The following COL25A1 variants were observed in gnomAD, a reference collection of about 807,000 sequenced individuals.
COL25A1 encodes collagen type XXV alpha 1 chain, also known as collagen alpha-1(XXV) chain.
COL25A1 carries 103 observed loss-of-function variants against 128.4 expected under a neutral mutation model. That is an observed-to-expected ratio of 0.80 (90% CI 0.68 to 0.94). The LOEUF (loss-of-function observed/expected upper bound fraction) is 0.94, where lower values mean the gene tolerates loss of function less well. Ranked by LOEUF, COL25A1 falls within the 40% of genes least tolerant of loss-of-function variation. The probability of loss-of-function intolerance (pLI) is 0.00; values close to 1 mark genes in which losing one functional copy is unlikely to be tolerated. For missense variants in COL25A1, 745 were observed against 840.0 expected, an observed-to-expected ratio of 0.89 and a Z score of 1.40; for synonymous variants, 279 against 277.2, an observed-to-expected ratio of 1.01 and a Z score of -0.06.
At chr4:108,822,112 C>T (rs553023140) in intron 35 of COL25A1, among the ~76,000 whole-genome samples, 176 of 133,488 alleles carry the variant, frequency 1.3e-3, no homozygotes, top group African/African-American at 4.8e-3. Flanking sequence ...GGCGTGATCT[C>T]GGCTCACTGC....
intron 6 of COL25A1, among the ~76,000 whole-genome samples, chr4:108,997,774 C>T (rs1354992449): frequency 6.6e-6 from 1 of 152,152 alleles, no homozygotes; most frequent in African/African-American, 2.4e-5. Flanking sequence ...AGCTTATCCA[C>T]CATGATCAAG....
rs748581476 is a variant in COL25A1 at position 109,010,378 on chromosome 4, G to A, written c.421-3C>T. The A allele has an allele frequency of 1.9e-6, 3 of 1,570,132 alleles. No homozygotes were observed. The highest frequency in any genetic ancestry group is 2.4e-5 in the South Asian group (2 of 83,300). On this transcript the variant is annotated splice_region_variant and splice_polypyrimidine_tract_variant and intron_variant, in intron 5 of 37. Coordinates refer to ENST00000399132, the MANE Select transcript of COL25A1 (RefSeq NM_198721.4). Reference sequence around the variant, plus strand: ...CTTACCTGAGGACCAGGCTGTCCCTGAAATTAAAAAGAAAAAGAAAAACAA... The same window carrying A: ...CTTACCTGAGGACCAGGCTGTCCCTAAAATTAAAAAGAAAAAGAAAAACAA...
intron 13 of COL25A1, among the ~76,000 whole-genome samples, chr4:108,917,627 TC>T (rs1745024265): frequency 6.6e-6 from 1 of 152,206 alleles, no homozygotes; most frequent in Non-Finnish European, 1.5e-5. Flanking sequence ...GTTGTTTCTT[TC>T]ACTTTACTTT....
At chr4:108,976,979 C>T (rs1430089389) in intron 6 of COL25A1, among the ~76,000 whole-genome samples, 1 of 152,114 alleles carries the variant, frequency 6.6e-6, no homozygotes, top group African/African-American at 2.4e-5. Flanking sequence ...AAATGAAACT[C>T]AAAGACTATC....
At position 108,827,202 on chromosome 4, in the gene COL25A1, T is replaced by C. The variant is rs1396475707; in HGVS notation, c.1711-14A>G. Reference sequence around the variant, plus strand: ...TCCTTTTTCACCCTAAAATGAAAAGTAGAAAGTTCAAATCATACACACCCA... The same window carrying C: ...TCCTTTTTCACCCTAAAATGAAAAGCAGAAAGTTCAAATCATACACACCCA... On this transcript the variant is annotated splice_polypyrimidine_tract_variant and intron_variant, in intron 32 of 37. Coordinates refer to ENST00000399132, the MANE Select transcript of COL25A1 (RefSeq NM_198721.4). The C allele has an allele frequency of 4.3e-6, 7 of 1,613,016 alleles. No individual in the cohort carries two copies. The highest frequency in any genetic ancestry group is 1.3e-5 in the African/African-American group (1 of 74,982).
intron 6 of COL25A1, among the ~76,000 whole-genome samples, chr4:108,998,868 G>A (rs1028358614): frequency 6.6e-6 from 1 of 152,196 alleles, no homozygotes; most frequent in African/African-American, 2.4e-5. Context: ...ATGGGGAAAG[G>A]ATTCCCTATT....
At chr4:109,202,040 T>C (rs1287813450) in intron 3 of COL25A1, among the ~76,000 whole-genome samples, 2 of 152,130 alleles carry the variant, frequency 1.3e-5, no homozygotes, top group Admixed American at 6.5e-5. Context: ...AAGAAGTCAG[T>C]TCTTCCCAAC....
chr4:109,028,959 A>T (rs1758581662), intron 5 of COL25A1, among the ~76,000 whole-genome samples: 1 of 152,128 alleles, frequency 6.6e-6, no homozygotes, highest in Non-Finnish European at 1.5e-5. Context: ...TGCCCTTAAG[A>T]AGAATGTTTT....
intron 3 of COL25A1, among the ~76,000 whole-genome samples, chr4:109,059,650 C>T (rs12331097): frequency 1.8e-3 from 274 of 152,080 alleles, no homozygotes; most frequent in Middle Eastern, 0.01. Context: ...ACTCATGGCT[C>T]GTCTAAGGGG....
At chr4:109,266,357 CGAT>C (rs1240547896) in intron 3 of COL25A1, among the ~76,000 whole-genome samples, 2 of 152,110 alleles carry the variant, frequency 1.3e-5, no homozygotes, top group Admixed American at 1.3e-4. Flanking sequence ...TCTCTGGAAA[CGAT>C]GAGGTGAAGA....
chr4:109,207,374 C>T (rs1453425109), intron 3 of COL25A1, among the ~76,000 whole-genome samples: 2 of 152,204 alleles, frequency 1.3e-5, no homozygotes, highest in Non-Finnish European at 2.9e-5. Flanking sequence ...AGCATAGTTA[C>T]AGTGATGTAA....
chr4:109,128,219 C>T (rs547725830), intron 3 of COL25A1, among the ~76,000 whole-genome samples: 2 of 152,222 alleles, frequency 1.3e-5, no homozygotes, highest in East Asian at 3.9e-4. Flanking sequence ...ACCCAAACCC[C>T]CACCAAACAG....
chr4:108,889,267 A>T lies in COL25A1; in HGVS notation c.940-11T>A. 2.5e-6 allele frequency: 4 copies of T among 1,613,670 alleles called. No homozygotes were observed. The highest frequency in any genetic ancestry group is 3.4e-6 in the Non-Finnish European group (4 of 1,179,620). ...TTCCCCAGGTTCTCCCTGGCCAAAG[A>T]AAACCAAAGATGAAAAACACAGTCT... On this transcript the variant is annotated splice_polypyrimidine_tract_variant and intron_variant, in intron 17 of 37. Coordinates refer to ENST00000399132, the MANE Select transcript of COL25A1 (RefSeq NM_198721.4).
At chr4:108,916,394 G>C (rs1212862932) in intron 13 of COL25A1, among the ~76,000 whole-genome samples, 2 of 152,082 alleles carry the variant, frequency 1.3e-5, no homozygotes, top group East Asian at 3.9e-4. Flanking sequence ...CTCTTGCTAA[G>C]GAAATTGCAT....
intron 5 of COL25A1, among the ~76,000 whole-genome samples, chr4:109,032,483 T>C (rs1758955628): frequency 6.6e-6 from 1 of 152,196 alleles, no homozygotes; most frequent in Admixed American, 6.5e-5. Flanking sequence ...TCTCATACTT[T>C]CCAAGCAATT....
chr4:109,183,047 C>G (rs1774813703), intron 3 of COL25A1, among the ~76,000 whole-genome samples: 1 of 152,066 alleles, frequency 6.6e-6, no homozygotes, highest in Non-Finnish European at 1.5e-5. Flanking sequence ...ATATTTTAAA[C>G]TAGGATTAGC....
At chr4:109,029,456 C>T (rs909837994) in intron 5 of COL25A1, among the ~76,000 whole-genome samples, 3 of 152,062 alleles carry the variant, frequency 2.0e-5, no homozygotes, top group African/African-American at 7.3e-5. Flanking sequence ...ACAGGAAGGG[C>T]GAGTACAGCA....
At chr4:109,296,727 G>A (rs766935160) in intron 3 of COL25A1, among the ~76,000 whole-genome samples, 8 of 152,102 alleles carry the variant, frequency 5.3e-5, no homozygotes, top group South Asian at 2.1e-4. Flanking sequence ...TCTTTATTCC[G>A]CATCCACATT....
intron 37 of COL25A1, among the ~76,000 whole-genome samples, chr4:108,814,460 A>G (rs1731065644): frequency 6.6e-6 from 1 of 152,160 alleles, no homozygotes. Flanking sequence ...AATGTTGTGC[A>G]AGGTAGACCT....
Sources: allele counts gnomAD v4.1 joint callset (sites outside exome capture counted in the v4.1 genomes callset), GRCh38; gene constraint gnomAD v4.1.1; transcripts MANE v1.5; gene names NCBI Gene and HGNC (gene_info 2026-07-23, HGNC 2026-07-21).